ME3: variants seen among roughly 807,000 people sequenced by gnomAD.
ME3 encodes malic enzyme 3, also known as NADP-dependent malic enzyme, mitochondrial.
Under a neutral mutation model 68.9 loss-of-function variants are expected in ME3, and 48 were observed. The ratio of observed to expected loss-of-function variants is 0.70; its 90% CI spans 0.55 to 0.89. The LOEUF (loss-of-function observed/expected upper bound fraction) is 0.89, where lower values mean the gene tolerates loss of function less well. ME3 is among the 40% of genes least tolerant of loss of function. The pLI is 0.00. For synonymous variants in ME3, 320 were observed against 318.8 expected, an observed-to-expected ratio of 1.00 and a Z score of -0.04; for missense variants, 675 against 797.4, an observed-to-expected ratio of 0.85 and a Z score of 1.85.
intron 4 of ME3, among the ~76,000 whole-genome samples, chr11:86,528,225 G>T (rs376697228): frequency 2.0e-5 from 3 of 152,036 alleles, no homozygotes; most frequent in African/African-American, 7.2e-5. Context: ...GATAAAACAG[G>T]CTTTAAACCA....
intron 2 of ME3, among the ~76,000 whole-genome samples, chr11:86,612,557 C>G (rs1471547521): frequency 1.3e-5 from 2 of 152,238 alleles, no homozygotes; most frequent in Admixed American, 6.5e-5. Flanking sequence ...TATTTCTCCA[C>G]AGCCTCACAA....
intron 2 of ME3, among the ~76,000 whole-genome samples, chr11:86,640,232 C>T (rs978694919): frequency 2.6e-5 from 4 of 152,190 alleles, no homozygotes; most frequent in African/African-American, 7.2e-5. Context: ...ACATAGGATG[C>T]TGCAATCAGA....
chr11:86,669,252 A>G (rs1431004547), intron 2 of ME3, among the ~76,000 whole-genome samples: 2 of 152,228 alleles, frequency 1.3e-5, no homozygotes, highest in African/African-American at 2.4e-5. Context: ...CTCCTTCTAG[A>G]TACCCTTCTT....
At chr11:86,660,755 CG>C (rs1946221701) in intron 2 of ME3, among the ~76,000 whole-genome samples, 1 of 152,154 alleles carries the variant, frequency 6.6e-6, no homozygotes, top group Non-Finnish European at 1.5e-5. Context: ...AAGCAGCCCA[CG>C]GATGAGAATT....
chr11:86,672,429 G>C (rs993104917), exon 1 of ME3: 1 of 153,578 alleles, frequency 6.5e-6, no homozygotes, highest in Non-Finnish European at 1.4e-5. Flanking sequence ...GACCGCGCTG[G>C]CGGCCGCGAG....
intron 2 of ME3, among the ~76,000 whole-genome samples, chr11:86,643,903 C>T (rs1336312398): frequency 1.3e-5 from 2 of 152,210 alleles, no homozygotes; most frequent in African/African-American, 4.8e-5. Flanking sequence ...GTCCTCTGGG[C>T]TCCAGCATCC....
intron 4 of ME3, among the ~76,000 whole-genome samples, chr11:86,511,096 C>G (rs1175839663): frequency 6.6e-6 from 1 of 152,232 alleles, no homozygotes; most frequent in African/African-American, 2.4e-5. Flanking sequence ...CTTCTTTCAT[C>G]AGTAACACTA....
At chr11:86,653,547 T>C (rs889341154) in intron 2 of ME3, among the ~76,000 whole-genome samples, 1 of 152,036 alleles carries the variant, frequency 6.6e-6, no homozygotes, top group African/African-American at 2.4e-5. Flanking sequence ...TTGAAACCAA[T>C]GAGAACAAAG....
At chr11:86,525,587 G>A (rs1954670536) in intron 4 of ME3, among the ~76,000 whole-genome samples, 1 of 152,124 alleles carries the variant, frequency 6.6e-6, no homozygotes, top group Non-Finnish European at 1.5e-5. Context: ...CAGAGGCCGG[G>A]TGCAGTGGCT....
At chr11:86,610,882 A>G (rs549331382) in intron 2 of ME3, among the ~76,000 whole-genome samples, 3 of 152,194 alleles carry the variant, frequency 2.0e-5, no homozygotes, top group Non-Finnish European at 4.4e-5. Context: ...AAACAGCACC[A>G]ACTGTTGGCC....
chr11:86,452,520 T>C (rs1949690303), intron 8 of ME3, among the ~76,000 whole-genome samples: 1 of 152,124 alleles, frequency 6.6e-6, no homozygotes, highest in African/African-American at 2.4e-5. Context: ...AAGGTTTGGG[T>C]CACTCTACTG....
intron 13 of ME3, 66 bp from the exon 14 acceptor site, chr11:86,442,985 C>T (rs575287432): frequency 5.3e-5 from 71 of 1,329,936 alleles, no homozygotes; most frequent in Non-Finnish European, 6.7e-5. Flanking sequence ...AAGCCCAACC[C>T]GTTACCCCAG....
chr11:86,479,372 A>T (rs1267842775), intron 7 of ME3, among the ~76,000 whole-genome samples: 1 of 152,208 alleles, frequency 6.6e-6, no homozygotes, highest in Non-Finnish European at 1.5e-5. Context: ...TCTCATAATA[A>T]ATCCACTCTC....
At chr11:86,620,002 T>C (rs2135258742) in intron 2 of ME3, among the ~76,000 whole-genome samples, 1 of 150,750 alleles carries the variant, frequency 6.6e-6, no homozygotes, top group East Asian at 1.9e-4. Context: ...TGTAGTTATC[T>C]TACCCTGTTA....
chr11:86,497,773 C>T (rs1952455956), intron 6 of ME3, among the ~76,000 whole-genome samples, 190 bp downstream of exon 6: 1 of 152,054 alleles, frequency 6.6e-6, no homozygotes. Flanking sequence ...CAGGATGGAG[C>T]TAGGGGTGGG....
chr11:86,447,067 C>T lies in ME3; in HGVS notation c.1378G>A (p.Glu460Lys), dbSNP rs778609173. 88 of 1,613,698 alleles carry T rather than the reference C, an allele frequency of 5.5e-5. No individual in the cohort carries two copies. Among genetic ancestry groups the T allele is most frequent in the Non-Finnish European group, 6.4e-5 (76 of 1,179,834 alleles). Residue 460 changes from glutamate to lysine, a missense_variant and splice_region_variant, in exon 12 of 15, where the codon GAG becomes AAG. Glu to Lys is a moderately conservative substitution (Grantham distance 56, BLOSUM62 1). Coordinates refer to ENST00000543262, the Ensembl canonical transcript of ME3. ...GGAAGGAAGGACTCCCCGCTGACCT[C>T]GGTGACCCGGTAGCACTTCTCAGCC...
chr11:86,647,491 GA>G (rs111578218), intron 2 of ME3, among the ~76,000 whole-genome samples: 37,215 of 122,690 alleles, frequency 0.3, 4,728 homozygotes, highest in African/African-American at 0.37. Flanking sequence ...TCTCAAAAAA[GA>G]AAAAAAAAAA....
chr11:86,655,755 A>C (rs1400453619), intron 2 of ME3, among the ~76,000 whole-genome samples: 2 of 151,846 alleles, frequency 1.3e-5, no homozygotes, highest in African/African-American at 4.8e-5. Flanking sequence ...AATGGAATCT[A>C]ATTAAACTAA....
intron 4 of ME3, among the ~76,000 whole-genome samples, chr11:86,530,707 C>T (rs1167543096): frequency 2.0e-5 from 3 of 152,132 alleles, no homozygotes; most frequent in Admixed American, 1.3e-4. Flanking sequence ...TATCTACAAC[C>T]ATCTGATCTT....
Sources: allele counts gnomAD v4.1 joint callset (sites outside exome capture counted in the v4.1 genomes callset), GRCh38; gene constraint gnomAD v4.1.1; transcripts MANE v1.5; gene names NCBI Gene and HGNC (gene_info 2026-07-23, HGNC 2026-07-21).